Variants in ZCCHC8 observed in about 807,000 individuals in gnomAD.
ZCCHC8 encodes the protein zinc finger CCHC domain-containing protein 8.
In ZCCHC8, 27 loss-of-function variants were observed where a neutral mutation model predicts 70.6. That is an observed-to-expected ratio of 0.38 (90% CI 0.28 to 0.53). The LOEUF is 0.53. Ranked by LOEUF, ZCCHC8 falls within the 20% of genes least tolerant of loss-of-function variation. The pLI, the probability that ZCCHC8 is intolerant of heterozygous loss-of-function variation, is 0.81. For synonymous variants in ZCCHC8, 293 were observed against 317.4 expected, an observed-to-expected ratio of 0.92 and a Z score of 0.82; for missense variants, 737 against 876.9, an observed-to-expected ratio of 0.84 and a Z score of 2.01.
chr12:122,489,104 G>A (rs189881642), intron 5 of ZCCHC8, among the ~76,000 whole-genome samples: 10 of 152,260 alleles, frequency 6.6e-5, no homozygotes, highest in Non-Finnish European at 1.5e-4. Flanking sequence ...AGTTCAACAA[G>A]CATGCTTTCT....
Position 122,500,475 on chromosome 12 carries a change from C to G in ZCCHC8, c.199+167G>C. ...GCCGAGGCAGCCTGCGCGCCCCGAACCCTAGACTCTCGGTCCGCCGGCGGG... is the reference window on the plus strand; with the variant it reads ...GCCGAGGCAGCCTGCGCGCCCCGAAGCCTAGACTCTCGGTCCGCCGGCGGG... On this transcript the variant is annotated intron_variant, in intron 1 of 13. Coordinates refer to ENST00000633063, the MANE Select transcript of ZCCHC8 (RefSeq NM_017612.5). This position sits in a 1 kb window ranked among gnomAD's most constrained non-coding sequence, Gnocchi z 4.8. 2 of 942,244 alleles carry G rather than the reference C, an allele frequency of 2.1e-6. No individual in the cohort carries two copies. Among genetic ancestry groups the G allele is most frequent in the Non-Finnish European group, 3.1e-6 (2 of 651,612 alleles). 58.4% of individuals were successfully genotyped at this position (942,244 alleles called of 1,614,324 possible). A position where few individuals can be genotyped will look rare whatever the true frequency, so the allele number is the denominator to read the frequency against.
At position 122,497,457 on chromosome 12, in the gene ZCCHC8, G is replaced by A. The variant is rs573383452; in HGVS notation, c.242+1370C>T. On this transcript the variant is annotated intron_variant, in intron 2 of 13. Transcript: ENST00000633063. ...TTCGGGAGGCTGAGGCAGGAGAATT[G>A]CTTGAACCCGGGAGGTGAAGGTTGC... Among the ~76,000 whole-genome samples the A allele has an allele frequency of 3.2e-4, 49 of 151,922 alleles. 1 individual carries two copies. In the South Asian group the frequency reaches 9.8e-3, roughly 30 times the overall value.
Position 122,483,703 on chromosome 12 carries a change from C to T in ZCCHC8, c.502-140G>A. The T allele has an allele frequency of 1.4e-6, 1 of 726,066 alleles. No individual in the cohort carries two copies. The highest frequency in any genetic ancestry group is 2.2e-6 in the Non-Finnish European group (1 of 450,374). The allele number at this position is 726,066 out of a possible 1,614,324, so 45.0% of individuals were successfully genotyped here. A position where few individuals can be genotyped will look rare whatever the true frequency, so the allele number is the denominator to read the frequency against. On this transcript the variant is annotated intron_variant, in intron 5 of 13. Transcript: ENST00000633063. The surrounding 1 kb of genome is among the most constrained non-coding windows in gnomAD (Gnocchi z 4.4). ...TAATAACTTCCTTGTTATTAAGGAGCCAGACTTTGATGTGTAAGTAGAAAC... is the reference window on the plus strand; with the variant it reads ...TAATAACTTCCTTGTTATTAAGGAGTCAGACTTTGATGTGTAAGTAGAAAC...
intron 2 of ZCCHC8, among the ~76,000 whole-genome samples, chr12:122,498,158 CTT>C (rs11449631): frequency 9.1e-5 from 12 of 131,204 alleles, no homozygotes; most frequent in Admixed American, 2.5e-4. Context: ...ATACTGTAAT[CTT>C]TTTTTTTTTT....
rs1173795336 is a variant in ZCCHC8 at position 122,477,894 on chromosome 12, T to G, written c.1292A>C (p.Gln431Pro). The G allele has an allele frequency of 1.9e-6, 3 of 1,613,950 alleles. No homozygotes were observed. Among genetic ancestry groups the G allele is most frequent in the Non-Finnish European group, 2.5e-6 (3 of 1,179,870 alleles). ...TCCCGCTGAGTTGCTTTCATTCTTC[T>G]GCTTCTTTGGACTACCTGGGCTAGA... is the stretch of plus-strand genomic sequence containing the variant. The part of the protein sequence containing the change: ...SHSSPGSPKK[Q>P]KNESNSAGSP... Residue 431 changes from glutamine to proline, a missense_variant, in exon 13 of 14, where the codon CAG (glutamine) becomes CCG (proline). Transcript: ENST00000633063.
In ZCCHC8 at chr12:122,478,306, GAGA is replaced by G; in HGVS notation, c.1141-17_1141-15del. 6.5e-7 allele frequency: 1 copy of G among 1,539,372 alleles called. No homozygotes were observed. Among genetic ancestry groups the G allele is most frequent in the East Asian group, 2.3e-5 (1 of 43,188 alleles). ...GATCCTCCATTCCTAATGATGAAAAGAGAAGGAAAAAAAAAACACATGTATTTG... is the reference window on the plus strand; with the variant it reads ...GATCCTCCATTCCTAATGATGAAAAGAGGAAAAAAAAAACACATGTATTTG... On this transcript the variant is annotated splice_polypyrimidine_tract_variant and intron_variant, in intron 11 of 13. Transcript: ENST00000633063.
chr12:122,480,455 T>A, intron 10 of ZCCHC8, 144 bp from the exon 11 acceptor site: 2 of 658,854 alleles, frequency 3.0e-6, no homozygotes, highest in Non-Finnish European at 4.6e-6. Flanking sequence ...ATAATTTTTC[T>A]AAATCATTAG....
chr12:122,481,441 C>T, intron 10 of ZCCHC8, 81 bp downstream of exon 10: 1 of 1,466,294 alleles, frequency 6.8e-7, no homozygotes, highest in Non-Finnish European at 9.1e-7. Flanking sequence ...CCGGCCATTC[C>T]TATCACATTT....
chr12:122,485,623 A>G lies in ZCCHC8; in HGVS notation c.502-2060T>C, dbSNP rs543212410. Among the ~76,000 whole-genome samples the G allele has an allele frequency of 1.2e-4, 18 of 151,654 alleles. No individual in the cohort carries two copies. The South Asian group carries it at 3.5e-3, about 30-fold the overall frequency. The stretch of plus-strand genomic sequence containing the variant: ...TGCACTGGATTTCTAGCCCCCTCCA[A>G]ACCTGCTCCTCCTCTAGTCTTCCCC... On this transcript the variant is annotated intron_variant, in intron 5 of 13. Transcript: ENST00000633063.
In ZCCHC8 at chr12:122,473,910, T is replaced by G; in HGVS notation, c.1711A>C (p.Lys571Gln). 1 of 1,613,928 alleles carries G rather than the reference T, an allele frequency of 6.2e-7. No individual in the cohort carries two copies. Among genetic ancestry groups the G allele is most frequent in the Non-Finnish European group, 8.5e-7 (1 of 1,179,882 alleles). ...NELDLPVPEG[K>Q]TSEKQTLDEP... is the part of the protein sequence containing the mutation. The stretch of plus-strand genomic sequence containing the variant: ...TCCAGCGTCTGCTTTTCAGATGTTT[T>G]TCCCTCCGGGACAGGGAGGTCTAGC... Residue 571 changes from lysine to glutamine, a missense_variant, in exon 14 of 14, where the codon AAA becomes CAA. Coordinates refer to ENST00000633063, the MANE Select transcript of ZCCHC8 (RefSeq NM_017612.5).
At position 122,473,275 on chromosome 12, in the gene ZCCHC8, G is replaced by A; in HGVS notation, c.*222C>T. ...CCTTAACAAACCCTCTCTAAACCAG[G>A]TCATATTCACATCTCCCCCCAAGTT... On this transcript the variant is annotated 3_prime_UTR_variant, in exon 14 of 14. Coordinates refer to ENST00000633063, the MANE Select transcript of ZCCHC8 (RefSeq NM_017612.5). The A allele has an allele frequency of 1.8e-6, 1 of 555,988 alleles. No individual in the cohort carries two copies. The highest frequency in any genetic ancestry group is 3.1e-6 in the Non-Finnish European group (1 of 318,614). 34.4% of individuals were successfully genotyped at this position (555,988 alleles called of 1,614,324 possible).
intron 2 of ZCCHC8, among the ~76,000 whole-genome samples, chr12:122,497,414 C>A (rs1219562447): frequency 6.6e-6 from 1 of 151,848 alleles, no homozygotes; most frequent in Admixed American, 6.6e-5. Flanking sequence ...TGGTAGTGGG[C>A]ACCTGTAATC....
chr12:122,484,414 AT>A (rs59816817), intron 5 of ZCCHC8, among the ~76,000 whole-genome samples: 75,903 of 138,610 alleles, frequency 0.55, 20,906 homozygotes, highest in African/African-American at 0.67. Context: ...ATACTCTTTA[AT>A]TTTTTTTTTT....
At chr12:122,476,201 G>A (rs574098229) in intron 13 of ZCCHC8, among the ~76,000 whole-genome samples, 1 of 152,316 alleles carries the variant, frequency 6.6e-6, no homozygotes, top group Admixed American at 6.5e-5. Flanking sequence ...TGGTAACTAG[G>A]GCAGCAATAC....
Position 122,489,506 on chromosome 12 carries a change from T to G in ZCCHC8, c.424-43A>C, listed in dbSNP as rs749252614. The G allele has an allele frequency of 3.2e-6, 5 of 1,552,336 alleles. No individual in the cohort carries two copies. In the East Asian group the frequency reaches 9.0e-5, roughly 28 times the overall value. On this transcript the variant is annotated intron_variant, in intron 4 of 13. Coordinates refer to ENST00000633063, the MANE Select transcript of ZCCHC8 (RefSeq NM_017612.5). ...ACATATTACAACCGGTAACCAATTT[T>G]TAACCAGTTTAAATGGAAGTTAGTA...
rs143764092 is a variant in ZCCHC8, at chr12:122,494,151, G to A, written c.243-1362C>T. On this transcript the variant is annotated intron_variant, in intron 2 of 13. Transcript: ENST00000633063. ...GTAATATATCCCATGGGTAGCCCGG[G>A]GCCAGCTGAATGTCTGATTCTTCCT... Among the ~76,000 whole-genome samples, 53 of 152,144 alleles carry A rather than the reference G, an allele frequency of 3.5e-4. No individual in the cohort carries two copies. The East Asian group carries it at 9.7e-3, about 28-fold the overall frequency.
Position 122,500,913 on chromosome 12 carries a change from G to T in ZCCHC8, c.-73C>A. The T allele has an allele frequency of 6.7e-7, 1 of 1,485,528 alleles. No homozygotes were observed. The highest frequency in any genetic ancestry group is 9.1e-7 in the Non-Finnish European group (1 of 1,096,108). 92.0% of individuals were successfully genotyped at this position (1,485,528 alleles called of 1,614,324 possible). Reference sequence around the variant, plus strand: ...GCTTGGGGAAGAAGGTTGGAAGGCGGCACCACTCTCTAGAGCTCTGGCCGC... The same window carrying T: ...GCTTGGGGAAGAAGGTTGGAAGGCGTCACCACTCTCTAGAGCTCTGGCCGC... On this transcript the variant is annotated 5_prime_UTR_variant, in exon 1 of 14. Coordinates refer to ENST00000633063, the MANE Select transcript of ZCCHC8 (RefSeq NM_017612.5). This position sits in a 1 kb window ranked among gnomAD's most constrained non-coding sequence, Gnocchi z 4.8.
At chr12:122,480,388 A>G in intron 10 of ZCCHC8, 77 bp from the exon 11 acceptor site, 1 of 1,269,440 alleles carries the variant, frequency 7.9e-7, no homozygotes, top group East Asian at 2.7e-5. Flanking sequence ...GTACACCTGG[A>G]AAGTGCTTAT....
rs1212198605 is a variant in ZCCHC8 at position 122,483,073 on chromosome 12, G to A, written c.671+206C>T. On this transcript the variant is annotated intron_variant, in intron 7 of 13. Coordinates refer to ENST00000633063, the MANE Select transcript of ZCCHC8 (RefSeq NM_017612.5). The surrounding 1 kb of genome is among the most constrained non-coding windows in gnomAD (Gnocchi z 4.4). ...ACAATTATACCTTTCCACCCACCCA[G>A]GCACATTAGGTGAGAACCAATGAAT... is the stretch of plus-strand genomic sequence containing the variant. 3 of 580,836 alleles carry A rather than the reference G, an allele frequency of 5.2e-6. No individual in the cohort carries two copies. The highest frequency in any genetic ancestry group is 1.9e-5 in the African/African-American group (1 of 53,414). 36.0% of individuals were successfully genotyped at this position (580,836 alleles called of 1,614,324 possible).
Sources: gnomAD v4.1 joint callset for allele counts (sites outside exome capture counted in the v4.1 genomes callset) on GRCh38, gnomAD v4.1.1 for gene constraint, Gnocchi (gnomAD v3.1) non-coding constraint, MANE v1.5 for transcripts, NCBI Gene and HGNC (gene_info 2026-07-23, HGNC 2026-07-21) for gene names.